The following C2CD4C variants were observed in gnomAD, a reference collection of about 807,000 sequenced individuals.
C2CD4C encodes the protein C2 calcium-dependent domain-containing protein 4C.
A neutral mutation model predicts 4.1 loss-of-function variants in C2CD4C; 3 were observed. That is an observed-to-expected ratio of 0.73 (90% CI 0.33 to 1.88). The LOEUF (loss-of-function observed/expected upper bound fraction) is 1.88, where lower values mean the gene tolerates loss of function less well. Among genes scored for constraint, C2CD4C ranks in the 40% most tolerant of loss-of-function variants. C2CD4C has a pLI of 0.08. For synonymous variants in C2CD4C, 364 were observed against 290.4 expected, an observed-to-expected ratio of 1.25 and a Z score of -2.57; for missense variants, 664 against 621.5, an observed-to-expected ratio of 1.07 and a Z score of -0.73.
chr19:407,824 C>T lies in C2CD4C; in HGVS notation c.538G>A (p.Gly180Arg). ...GCAGCTGCCCGGCGGCGCCCGGCCC[C>T]TGGGGAGCCCACCTGGGCCAGAGCC... is the stretch of plus-strand genomic sequence containing the variant. ...HGALAQVGSP[G>R]AGRRRAAAKA... Residue 180 changes from glycine to arginine, a missense_variant, in exon 2 of 2, where the codon GGG becomes AGG. By Grantham distance (125) the Gly-to-Arg change is moderately radical (BLOSUM62 -2). Transcript: ENST00000332235. 2.6e-6 allele frequency: 4 copies of T among 1,543,024 alleles called. No homozygotes were observed. The highest frequency in any genetic ancestry group is 1.7e-4 in the Middle Eastern group (1 of 5,948).
Position 407,124 on chromosome 19 carries a change from G to A in C2CD4C, c.1238C>T (p.Pro413Leu), listed in dbSNP as rs1974003599. The change falls in exon 2 of 2, where the codon CCC becomes CTC. Residue 413 changes from proline to leucine, a missense_variant. Physicochemically the swap from Pro to Leu is moderately conservative, Grantham distance 98. Transcript: ENST00000332235. ...RDTLLGEKEL[P>L]LTSLLPFL ...CAGGAAGGGGAGCAGGGAGGTCAGG[G>A]GCAGCTCCTTCTCCCCGAGCAGCGT... 6.5e-7 allele frequency: 1 copy of A among 1,549,658 alleles called. No homozygotes were observed. Among genetic ancestry groups the A allele is most frequent in the Non-Finnish European group, 8.7e-7 (1 of 1,146,676 alleles).
intron 1 of C2CD4C, among the ~76,000 whole-genome samples, chr19:408,801 C>T (rs1242311225): frequency 1.3e-5 from 2 of 152,108 alleles, no homozygotes; most frequent in Non-Finnish European, 2.9e-5. Flanking sequence ...TCCGCCCCCC[C>T]GGCTCCCACC....
Position 407,930 on chromosome 19 carries a change from G to A in C2CD4C, c.432C>T (p.Ala144=), listed in dbSNP as rs1199256019. The change falls in exon 2 of 2, where the codon GCC becomes GCT. Residue 144 remains alanine, a synonymous_variant. Transcript: ENST00000332235. ...GCATGGCGAAGCCGTAGGACGTCTGGGCCTTGGGCACCGAGGGCAGGGACA... is the reference window on the plus strand; with the variant it reads ...GCATGGCGAAGCCGTAGGACGTCTGAGCCTTGGGCACCGAGGGCAGGGACA... ...GAMSLPSVPK[A]QTSYGFAMLA... 2 of 1,548,534 alleles carry A rather than the reference G, an allele frequency of 1.3e-6. No individual in the cohort carries two copies. The highest frequency in any genetic ancestry group is 1.7e-6 in the Non-Finnish European group (2 of 1,146,334).
chr19:406,982 C>CCCACCCCCCCCCCCCCCCCCCCCA lies in C2CD4C; in HGVS notation c.*113_*114insTGGGGGGGGGGGGGGGGGGGGTGG. 7.8e-6 allele frequency: 5 copies of CCCACCCCCCCCCCCCCCCCCCCCA among 640,736 alleles called. No individual in the cohort carries two copies. Among genetic ancestry groups the CCCACCCCCCCCCCCCCCCCCCCCA allele is most frequent in the South Asian group, 2.0e-5 (1 of 51,168 alleles). The allele number at this position is 640,736 out of a possible 1,614,324, so 39.7% of individuals were successfully genotyped here. On this transcript the variant is annotated 3_prime_UTR_variant, in exon 2 of 2. Coordinates refer to ENST00000332235, the MANE Select transcript of C2CD4C (RefSeq NM_001136263.2). ...CGCCCAGCCCAGCCTGAGTGTGAGC[C>CCCACCCCCCCCCCCCCCCCCCCCA]CCTCCCCGGCCAGCCCCAGCCCAAG...
Position 407,661 on chromosome 19 carries a change from C to A in C2CD4C, c.701G>T (p.Arg234Leu). ...SSPFGSPLLS[R>L]SVSLLKGFAQ... The stretch of plus-strand genomic sequence containing the variant: ...GAAACCTTTGAGCAGAGACACGGAG[C>A]GGGACAGCAGAGGGGACCCGAAGGG... The change falls in exon 2 of 2, where the codon CGC becomes CTC. Residue 234 changes from arginine (R) to leucine (L), a missense_variant. Coordinates refer to ENST00000332235, the MANE Select transcript of C2CD4C (RefSeq NM_001136263.2). The A allele has an allele frequency of 6.6e-7, 1 of 1,520,050 alleles. No homozygotes were observed. The highest frequency in any genetic ancestry group is 1.3e-5 in the South Asian group (1 of 79,894). The allele number at this position is 1,520,050 out of a possible 1,614,324, so 94.2% of individuals were successfully genotyped here. A position where few individuals can be genotyped will look rare whatever the true frequency, so the allele number is the denominator to read the frequency against.
chr19:408,449 G>A (rs1218969663), intron 1 of C2CD4C, 48 bp from the exon 2 acceptor site: 4 of 1,314,580 alleles, frequency 3.0e-6, no homozygotes, highest in African/African-American at 1.6e-5. Flanking sequence ...GGCTGGCAGA[G>A]GGCCCTGGGC....
Position 407,385 on chromosome 19 carries a change from A to G in C2CD4C, c.977T>C (p.Leu326Pro). Reference protein sequence around the residue: ...EAGQARLRVHLLAAEGLYDRL... With the variant: ...EAGQARLRVHPLAAEGLYDRL... The stretch of plus-strand genomic sequence containing the variant: ...GTCGTAGAGGCCCTCGGCGGCCAGC[A>G]GGTGCACCCGCAGGCGGGCCTGGCC... Residue 326 changes from leucine (L) to proline (P), a missense_variant, in exon 2 of 2, where the codon CTG (leucine) becomes CCG (proline). Physicochemically the swap from Leu to Pro is moderately conservative, Grantham distance 98. Coordinates refer to ENST00000332235, the MANE Select transcript of C2CD4C (RefSeq NM_001136263.2). The G allele has an allele frequency of 6.5e-7, 1 of 1,538,704 alleles. No individual in the cohort carries two copies. The highest frequency in any genetic ancestry group is 8.7e-7 in the Non-Finnish European group (1 of 1,145,436).
At position 408,060 on chromosome 19, in the gene C2CD4C, T is replaced by C; in HGVS notation, c.302A>G (p.Lys101Arg). The C allele has an allele frequency of 6.5e-7, 1 of 1,526,934 alleles. No homozygotes were observed. The allele number at this position is 1,526,934 out of a possible 1,614,324, so 94.6% of individuals were successfully genotyped here. A position where few individuals can be genotyped will look rare whatever the true frequency, so the allele number is the denominator to read the frequency against. The change falls in exon 2 of 2, where the codon AAG (lysine) becomes AGG (arginine). Residue 101 changes from lysine to arginine, a missense_variant. Lys to Arg is a conservative substitution (Grantham distance 26). Transcript: ENST00000332235. Reference protein sequence around the residue: ...RLPAKLAAESKSLLKAATRHV... With the variant: ...RLPAKLAAESRSLLKAATRHV... ...CCGGGTGGCTGCCTTCAGCAGGCTC[T>C]TGCTCTCGGCTGCCAGCTTGGCAGG...
chr19:407,790 T>C lies in C2CD4C; in HGVS notation c.572A>G (p.Asn191Ser). 8 of 1,528,730 alleles carry C rather than the reference T, an allele frequency of 5.2e-6. No homozygotes were observed. Among genetic ancestry groups the C allele is most frequent in the Non-Finnish European group, 7.0e-6 (8 of 1,137,530 alleles). 94.7% of individuals were successfully genotyped at this position (1,528,730 alleles called of 1,614,324 possible). ...AGRRRAAAKA[N>S]GGDGGPREAG... ...CTCCCTGGGGCCCCCATCACCCCCG[T>C]TGGCCTTGGCAGCTGCCCGGCGGCG... The change falls in exon 2 of 2, where the codon AAC (asparagine) becomes AGC (serine). Residue 191 changes from asparagine to serine, a missense_variant. Coordinates refer to ENST00000332235, the MANE Select transcript of C2CD4C (RefSeq NM_001136263.2).
chr19:407,403 G>A lies in C2CD4C; in HGVS notation c.959C>T (p.Ala320Val). The change falls in exon 2 of 2, where the codon GCC becomes GTC. Residue 320 changes from alanine to valine, a missense_variant. By Grantham distance (64) the Ala-to-Val change is moderately conservative. Transcript: ENST00000332235. ...GGCCAGCAGGTGCACCCGCAGGCGG[G>A]CCTGGCCGGCCTCGTACTCGGCCAG... ...RLLAEYEAGQ[A>V]RLRVHLLAAE... 5 of 1,533,260 alleles carry A rather than the reference G, an allele frequency of 3.3e-6. No individual in the cohort carries two copies. The highest frequency in any genetic ancestry group is 2.5e-5 in the East Asian group (1 of 40,694). The allele number at this position is 1,533,260 out of a possible 1,614,324, so 95.0% of individuals were successfully genotyped here. A position where few individuals can be genotyped will look rare whatever the true frequency, so the allele number is the denominator to read the frequency against.
Position 406,978 on chromosome 19 carries a change from G to GAGCCCC in C2CD4C, c.*112_*117dup. The GAGCCCC allele has an allele frequency of 1.5e-6, 1 of 662,712 alleles. No homozygotes were observed. Among genetic ancestry groups the GAGCCCC allele is most frequent in the Admixed American group, 3.2e-5 (1 of 31,712 alleles). 41.1% of individuals were successfully genotyped at this position (662,712 alleles called of 1,614,324 possible). A position where few individuals can be genotyped will look rare whatever the true frequency, so the allele number is the denominator to read the frequency against. On this transcript the variant is annotated 3_prime_UTR_variant, in exon 2 of 2. Coordinates refer to ENST00000332235, the MANE Select transcript of C2CD4C (RefSeq NM_001136263.2). Reference sequence around the variant, plus strand: ...TCAGCGCCCAGCCCAGCCTGAGTGTGAGCCCCTCCCCGGCCAGCCCCAGCC... The same window carrying GAGCCCC: ...TCAGCGCCCAGCCCAGCCTGAGTGTGAGCCCCAGCCCCTCCCCGGCCAGCCCCAGCC...
At position 407,342 on chromosome 19, in the gene C2CD4C, G is replaced by A. The variant is rs1423539240; in HGVS notation, c.1020C>T (p.Arg340=). The change falls in exon 2 of 2, where the codon CGC becomes CGT. Residue 340 remains arginine (R), a synonymous_variant. Coordinates refer to ENST00000332235, the MANE Select transcript of C2CD4C (RefSeq NM_001136263.2). The part of the protein sequence containing the change: ...EGLYDRLCDA[R]SINCCVGLCL... Reference sequence around the variant, plus strand: ...ACAGGCCCACGCAGCAGTTGATGCTGCGGGCGTCGCACAGGCGGTCGTAGA... The same window carrying A: ...ACAGGCCCACGCAGCAGTTGATGCTACGGGCGTCGCACAGGCGGTCGTAGA... 1.3e-6 allele frequency: 2 copies of A among 1,547,460 alleles called. No individual in the cohort carries two copies. Among genetic ancestry groups the A allele is most frequent in the African/African-American group, 1.4e-5 (1 of 73,054 alleles).
chr19:407,493 G>C lies in C2CD4C; in HGVS notation c.869C>G (p.Pro290Arg). The change falls in exon 2 of 2, where the codon CCC becomes CGC. Residue 290 changes from proline (P) to arginine (R), a missense_variant. Transcript: ENST00000332235. ...CTCCCCACGCGCCTGGCCCGACTCG[G>C]GGCCAGGTTCCGGGGGTGCCCGGCG... is the stretch of plus-strand genomic sequence containing the variant. ...LTRRAPPEPG[P>R]ESGQARGEHT... 1.0e-5 allele frequency: 14 copies of C among 1,380,582 alleles called. No homozygotes were observed. The highest frequency in any genetic ancestry group is 1.2e-5 in the Non-Finnish European group (13 of 1,071,120). 85.5% of individuals were successfully genotyped at this position (1,380,582 alleles called of 1,614,324 possible).
chr19:408,560 G>C (rs1005943349), intron 1 of C2CD4C, among the ~76,000 whole-genome samples, 159 bp from the exon 2 acceptor site: 1 of 152,114 alleles, frequency 6.6e-6, no homozygotes, highest in African/African-American at 2.4e-5. Flanking sequence ...CCCAGGACAG[G>C]AGTGAGGCGG....
chr19:408,269 C>T lies in C2CD4C; in HGVS notation c.93G>A (p.Lys31=), dbSNP rs1325664963. 1.2e-5 allele frequency: 18 copies of T among 1,510,904 alleles called. No homozygotes were observed. The highest frequency in any genetic ancestry group is 1.5e-5 in the Non-Finnish European group (17 of 1,131,878). The allele number at this position is 1,510,904 out of a possible 1,614,324, so 93.6% of individuals were successfully genotyped here. ...ARGVGSEAGD[K]ASKGPLYSNV... Reference sequence around the variant, plus strand: ...TGCTGTACAGGGGCCCCTTGGAGGCCTTGTCCCCCGCCTCACTCCCCACGC... The same window carrying T: ...TGCTGTACAGGGGCCCCTTGGAGGCTTTGTCCCCCGCCTCACTCCCCACGC... Residue 31 remains lysine, a synonymous_variant, in exon 2 of 2, where the codon AAG becomes AAA. Coordinates refer to ENST00000332235, the MANE Select transcript of C2CD4C (RefSeq NM_001136263.2).
Position 407,902 on chromosome 19 carries a change from C to T in C2CD4C, c.460G>A (p.Ala154Thr), listed in dbSNP as rs1342752455. The change falls in exon 2 of 2, where the codon GCT becomes ACT. Residue 154 changes from alanine (A) to threonine (T), a missense_variant. By Grantham distance (58) the Ala-to-Thr change is moderately conservative (BLOSUM62 0). Coordinates refer to ENST00000332235, the MANE Select transcript of C2CD4C (RefSeq NM_001136263.2). Reference protein sequence around the residue: ...AQTSYGFAMLAESPHTRRKES... With the variant: ...AQTSYGFAMLTESPHTRRKES... ...TTGCGCCTCGTGTGGGGGCTCTCAG[C>T]CAGCATGGCGAAGCCGTAGGACGTC... The T allele has an allele frequency of 4.5e-6, 7 of 1,549,038 alleles. No individual in the cohort carries two copies. The highest frequency in any genetic ancestry group is 6.1e-6 in the Non-Finnish European group (7 of 1,146,374).
At position 407,069 on chromosome 19, in the gene C2CD4C, C is replaced by A; in HGVS notation, c.*27G>T. 1.3e-6 allele frequency: 2 copies of A among 1,522,002 alleles called. No homozygotes were observed. The highest frequency in any genetic ancestry group is 1.2e-5 in the South Asian group (1 of 80,366). 94.3% of individuals were successfully genotyped at this position (1,522,002 alleles called of 1,614,324 possible). A position where few individuals can be genotyped will look rare whatever the true frequency, so the allele number is the denominator to read the frequency against. On this transcript the variant is annotated 3_prime_UTR_variant, in exon 2 of 2. Coordinates refer to ENST00000332235, the MANE Select transcript of C2CD4C (RefSeq NM_001136263.2). ...GAGACCGGGGTCTGCCCTCTGCACC[C>A]GAGCGGACAGCGAGCAGGTCCCCGC...
In C2CD4C at chr19:406,923, G is replaced by A. The variant is rs1335076418; in HGVS notation, c.*173C>T. The A allele has an allele frequency of 1.4e-5, 8 of 591,624 alleles. No individual in the cohort carries two copies. Among genetic ancestry groups the A allele is most frequent in the Middle Eastern group, 4.4e-4 (1 of 2,282 alleles). The allele number at this position is 591,624 out of a possible 1,614,324, so 36.6% of individuals were successfully genotyped here. ...AATAATACTCCAGTCAGCATCGGGT[G>A]ACCCAGGAAACCCTGCGTCAGCTAC... is the stretch of plus-strand genomic sequence containing the variant. On this transcript the variant is annotated 3_prime_UTR_variant, in exon 2 of 2. Transcript: ENST00000332235.
Position 406,111 on chromosome 19 carries a change from C to T in C2CD4C, c.*985G>A, listed in dbSNP as rs1288044148. 1.3e-5 allele frequency: 2 copies of T among 152,324 alleles called. 1 individual carries two copies. The highest frequency in any genetic ancestry group is 2.9e-5 in the Non-Finnish European group (2 of 68,094). The allele number at this position is 152,324 out of a possible 1,614,324, so 9.4% of individuals were successfully genotyped here. A position where few individuals can be genotyped will look rare whatever the true frequency, so the allele number is the denominator to read the frequency against. On this transcript the variant is annotated 3_prime_UTR_variant, in exon 2 of 2. Transcript: ENST00000332235. ...AGCAGGAAAGGCCATAGCCAGGTCC[C>T]CCCAGCTGCCTCCTGGGCTCCGACC...
Sources: gnomAD v4.1 joint callset for allele counts (sites outside exome capture counted in the v4.1 genomes callset) on GRCh38, gnomAD v4.1.1 for gene constraint, MANE v1.5 for transcripts, NCBI Gene and HGNC (gene_info 2026-07-23, HGNC 2026-07-21) for gene names.